Variants in IKZF3 observed in about 807,000 individuals in gnomAD.
IKZF3 encodes the protein IKAROS family zinc finger 3.
Under a neutral mutation model 49.0 loss-of-function variants are expected in IKZF3, and 10 were observed. That is an observed-to-expected ratio of 0.20 (90% CI 0.13 to 0.35). The LOEUF (loss-of-function observed/expected upper bound fraction) is 0.35, where lower values mean the gene tolerates loss of function less well. Ranked by LOEUF, IKZF3 falls within the 10% of genes least tolerant of loss-of-function variation. The pLI is 1.00. For synonymous variants in IKZF3, 209 were observed against 228.2 expected, an observed-to-expected ratio of 0.92 and a Z score of 0.76; for missense variants, 498 against 664.8, an observed-to-expected ratio of 0.75 and a Z score of 2.76.
rs2060174970 is a variant in IKZF3 at position 39,761,209 on chromosome 17, T to C, written c.*4581A>G. The C allele has an allele frequency of 6.6e-6, 1 of 152,212 alleles. No homozygotes were observed. Among genetic ancestry groups the C allele is most frequent in the Non-Finnish European group, 1.5e-5 (1 of 68,036 alleles). The allele number at this position is 152,212 out of a possible 1,614,324, so 9.4% of individuals were successfully genotyped here. On this transcript the variant is annotated 3_prime_UTR_variant, in exon 8 of 8. Coordinates refer to ENST00000346872, the MANE Select transcript of IKZF3 (RefSeq NM_012481.5). The stretch of plus-strand genomic sequence containing the variant: ...AGTCAGAAGCTGTGTCAGGAACAGC[T>C]CACAGTGGGTCATAAAGCATAAGAT...
At chr17:39,777,026 C>G (rs2060608816) in intron 7 of IKZF3, among the ~76,000 whole-genome samples, 1 of 152,206 alleles carries the variant, frequency 6.6e-6, no homozygotes, top group African/African-American at 2.4e-5. Flanking sequence ...CAAAATGTCT[C>G]TGCCATTTGG....
At position 39,777,761 on chromosome 17, in the gene IKZF3, G is replaced by A. The variant is rs531363291; in HGVS notation, c.716C>T (p.Ala239Val). ...QSTDPGDTAS[A>V]EARHIKAEMG... ...CTCTGCTTTGATGTGTCTTGCCTCC[G>A]CACTTGCTAGTTTGGAAAAATGTAA... Residue 239 changes from alanine (A) to valine (V), a missense_variant, in exon 7 of 8, where the codon GCG (alanine) becomes GTG (valine). Ala to Val is a moderately conservative substitution (Grantham distance 64). This residue lies in a region of IKZF3 where 317 missense variants were observed against 397.3 expected (regional missense o/e 0.80). Transcript: ENST00000346872. The A allele has an allele frequency of 1.5e-5, 24 of 1,611,510 alleles. No homozygotes were observed. In the East Asian group the frequency reaches 4.2e-4, roughly 28 times the overall value.
At chr17:39,834,716 T>C (rs1005003859) in intron 1 of IKZF3, among the ~76,000 whole-genome samples, 1 of 152,242 alleles carries the variant, frequency 6.6e-6, no homozygotes, top group African/African-American at 2.4e-5. Flanking sequence ...TTGTTTGTTT[T>C]GTTTTGCTTT....
chr17:39,803,327 T>C (rs2061363448), intron 3 of IKZF3, among the ~76,000 whole-genome samples: 1 of 152,190 alleles, frequency 6.6e-6, no homozygotes, highest in Non-Finnish European at 1.5e-5. Context: ...ATTTATATTT[T>C]TGAGAAATAA....
intron 3 of IKZF3, among the ~76,000 whole-genome samples, chr17:39,822,660 G>T (rs1322400472): frequency 6.8e-6 from 1 of 147,450 alleles, no homozygotes; most frequent in Admixed American, 6.9e-5. Context: ...TTGGCTCACT[G>T]CAAGCTCCGC....
chr17:39,773,938 G>GT (rs2060507857), intron 7 of IKZF3, among the ~76,000 whole-genome samples: 1 of 64,226 alleles, frequency 1.6e-5, no homozygotes, highest in Admixed American at 2.1e-4. Flanking sequence ...CCTGATGGAC[G>GT]TGTGTCCATT....
chr17:39,844,454 C>A (rs904949701), intron 1 of IKZF3, among the ~76,000 whole-genome samples: 1 of 152,170 alleles, frequency 6.6e-6, no homozygotes, highest in Admixed American at 6.5e-5. Context: ...GGCTCAATTT[C>A]TCTTTTCATT....
intron 6 of IKZF3, among the ~76,000 whole-genome samples, chr17:39,782,977 T>C (rs2143787179): frequency 6.6e-6 from 1 of 152,346 alleles, no homozygotes; most frequent in Admixed American, 6.5e-5. Flanking sequence ...TTATTCCCTG[T>C]ATAAGTCTTA....
chr17:39,855,665 T>C (rs570723821), intron 1 of IKZF3, among the ~76,000 whole-genome samples: 48 of 152,314 alleles, frequency 3.2e-4, no homozygotes, highest in African/African-American at 1.0e-3. Context: ...CTAATTCAAA[T>C]CTGAAAAATT....
intron 1 of IKZF3, among the ~76,000 whole-genome samples, chr17:39,848,975 G>A (rs1470926981): frequency 1.3e-5 from 2 of 152,124 alleles, no homozygotes; most frequent in African/African-American, 4.8e-5. Flanking sequence ...GAGCCAACGT[G>A]CCTGGCAAAG....
intron 3 of IKZF3, among the ~76,000 whole-genome samples, chr17:39,794,472 A>G (rs1452758923): frequency 6.6e-6 from 1 of 152,164 alleles, no homozygotes; most frequent in East Asian, 1.9e-4. Context: ...CCAAGTTTCA[A>G]TTTTCACTTC....
intron 3 of IKZF3, among the ~76,000 whole-genome samples, chr17:39,802,562 A>T (rs1196785600): frequency 1.3e-5 from 2 of 151,266 alleles, no homozygotes; most frequent in Admixed American, 6.6e-5. Context: ...AGCTGTGTTC[A>T]TGCCATTGCA....
At chr17:39,778,029 G>T in intron 6 of IKZF3, 1 of 1,121,736 alleles carries the variant, frequency 8.9e-7, no homozygotes, top group Non-Finnish European at 1.1e-6. Context: ...GCAAGAGGAA[G>T]TATTAAATAA....
chr17:39,839,376 C>G, intron 1 of IKZF3: 1 of 596,878 alleles, frequency 1.7e-6, no homozygotes, highest in Admixed American at 2.1e-5. Flanking sequence ...TCCTTACAGA[C>G]TCAGCTTGGT....
At chr17:39,826,041 C>T (rs892902906) in intron 3 of IKZF3, among the ~76,000 whole-genome samples, 9 of 152,014 alleles carry the variant, frequency 5.9e-5, no homozygotes, top group Admixed American at 1.3e-4. Flanking sequence ...GATTTGTGGA[C>T]GGTAGTTTTT....
intron 1 of IKZF3, chr17:39,835,656 T>TTA: frequency 2.3e-6 from 1 of 437,288 alleles, no homozygotes; most frequent in Admixed American, 2.7e-5. Context: ...GGAGCAGCTG[T>TTA]TATGCGTGGA....
At chr17:39,823,115 A>T (rs534249102) in intron 3 of IKZF3, among the ~76,000 whole-genome samples, 1 of 152,310 alleles carries the variant, frequency 6.6e-6, no homozygotes, top group East Asian at 1.9e-4. Context: ...GAAAGCTTGG[A>T]ACTTCCTAGA....
In IKZF3 at chr17:39,762,123, G is replaced by C. The variant is rs1464648048; in HGVS notation, c.*3667C>G. 6.6e-6 allele frequency: 1 copy of C among 152,226 alleles called. No homozygotes were observed. The highest frequency in any genetic ancestry group is 1.5e-5 in the Non-Finnish European group (1 of 68,058). The allele number at this position is 152,226 out of a possible 1,614,324, so 9.4% of individuals were successfully genotyped here. On this transcript the variant is annotated 3_prime_UTR_variant, in exon 8 of 8. Coordinates refer to ENST00000346872, the MANE Select transcript of IKZF3 (RefSeq NM_012481.5). The stretch of plus-strand genomic sequence containing the variant: ...GGGGCCTACAAGGCTCTTGTTCAGA[G>C]GGAGTCTGCATGAGAAAGTACAGGT...
intron 3 of IKZF3, among the ~76,000 whole-genome samples, chr17:39,794,291 A>G (rs1301147339): frequency 6.6e-6 from 1 of 152,224 alleles, no homozygotes; most frequent in Non-Finnish European, 1.5e-5. Context: ...GGTTCTTACC[A>G]ACTGTATTAC....
Sources: allele counts gnomAD v4.1 joint callset (sites outside exome capture counted in the v4.1 genomes callset), GRCh38; gene constraint gnomAD v4.1.1; regional missense constraint gnomAD v4.1.1; transcripts MANE v1.5; gene names NCBI Gene and HGNC (gene_info 2026-07-23, HGNC 2026-07-21).